The following TUSC3 variants were observed in gnomAD, a reference collection of about 807,000 sequenced individuals.
TUSC3 encodes dolichyl-diphosphooligosaccharide--protein glycosyltransferase subunit TUSC3.
In TUSC3, 45 loss-of-function variants were observed where a neutral mutation model predicts 44.8. That is an observed-to-expected ratio of 1.00 (90% CI 0.79 to 1.29). The LOEUF (loss-of-function observed/expected upper bound fraction) is 1.29. Ranked by LOEUF, TUSC3 falls within the 50% of genes most tolerant of loss-of-function variation. The pLI is 0.00. For missense variants in TUSC3, 519 were observed against 437.9 expected (o/e 1.19, Z -1.65); for synonymous variants, 212 against 152.9 (o/e 1.39, Z -2.85).
intron 2 of TUSC3, among the ~76,000 whole-genome samples, chr8:15,508,241 C>T (rs144761380): frequency 2.2e-3 from 338 of 152,006 alleles, no homozygotes; most frequent in African/African-American, 8.0e-3. Context: ...CTCTGTCTAA[C>T]AACAATGACA....
At chr8:15,806,169 G>C in the TUSC3 span, 1 of 482,566 alleles carries the variant, frequency 2.1e-6, no homozygotes, top group East Asian at 4.8e-5. Context: ...ATCAGTTGAT[G>C]TGGAGTCACT....
intron 1 of TUSC3, among the ~76,000 whole-genome samples, chr8:15,473,298 G>A (rs1800521124): frequency 6.6e-6 from 1 of 152,144 alleles, no homozygotes; most frequent in African/African-American, 2.4e-5. Flanking sequence ...AACCTTGTGT[G>A]TTTACAACAC....
At chr8:15,760,066 C>G (rs183341850) in intron 10 of TUSC3, among the ~76,000 whole-genome samples, 2 of 152,226 alleles carry the variant, frequency 1.3e-5, no homozygotes, top group East Asian at 3.9e-4. Context: ...TCATTATCCC[C>G]CATAATACAT....
rs574601050 is a variant in TUSC3 at position 15,692,751 on chromosome 8, G to C, written c.798+18915G>C. The stretch of plus-strand genomic sequence containing the variant: ...TATTTGGATATTGTCTCTTATTTTA[G>C]TAGTCTAGCTAGTGGTCAATTTACT... On this transcript the variant is annotated intron_variant, in intron 6 of 10. Coordinates refer to ENST00000503731, the MANE Select transcript of TUSC3 (RefSeq NM_006765.4). Among the ~76,000 whole-genome samples, 6 of 151,156 alleles carry C rather than the reference G, an allele frequency of 4.0e-5. No individual in the cohort carries two copies. The South Asian group carries it at 1.0e-3, about 26-fold the overall frequency.
intron 1 of TUSC3, among the ~76,000 whole-genome samples, chr8:15,592,011 G>A (rs150350237): frequency 1.3e-5 from 2 of 152,218 alleles, no homozygotes; most frequent in East Asian, 3.9e-4. Context: ...TAGTAGTCTA[G>A]GTAAGAGATA....
chr8:15,440,399 C>T (rs932470163), intron 1 of TUSC3, among the ~76,000 whole-genome samples: 2 of 152,104 alleles, frequency 1.3e-5, no homozygotes, highest in African/African-American at 4.8e-5. Flanking sequence ...TCTTGAGGAT[C>T]TATGCAGAAT....
intron 1 of TUSC3, among the ~76,000 whole-genome samples, chr8:15,618,554 A>G (rs1805097742): frequency 6.6e-6 from 1 of 152,154 alleles, no homozygotes; most frequent in South Asian, 2.1e-4. Flanking sequence ...AGGTGCAATA[A>G]CAGTTATGGA....
chr8:15,543,815 A>G (rs1393337926), intron 1 of TUSC3, among the ~76,000 whole-genome samples: 2 of 151,028 alleles, frequency 1.3e-5, no homozygotes, highest in African/African-American at 4.9e-5. Context: ...ATTGCTTATC[A>G]TGAAACACCG....
chr8:15,420,075 C>G (rs1400945383), intron 1 of TUSC3, among the ~76,000 whole-genome samples: 1 of 151,874 alleles, frequency 6.6e-6, no homozygotes, highest in East Asian at 1.9e-4. Flanking sequence ...GTAATGATGC[C>G]AAAAACACTA....
At chr8:15,492,655 G>GT (rs1421385707) in intron 2 of TUSC3, among the ~76,000 whole-genome samples, 50 of 152,132 alleles carry the variant, frequency 3.3e-4, no homozygotes, top group Non-Finnish European at 5.6e-4. Flanking sequence ...TCACGTAACA[G>GT]GCTGGGCACA....
chr8:15,686,708 A>T (rs138746006), intron 6 of TUSC3, among the ~76,000 whole-genome samples: 1 of 152,160 alleles, frequency 6.6e-6, no homozygotes, highest in Admixed American at 6.5e-5. Flanking sequence ...GGCATTCAGT[A>T]GCTTTATTAC....
Position 15,650,752 on chromosome 8 carries a change from T to C in TUSC3, c.364T>C (p.Phe122Leu). 1 of 1,614,174 alleles carries C rather than the reference T, an allele frequency of 6.2e-7. No homozygotes were observed. The highest frequency in any genetic ancestry group is 8.5e-7 in the Non-Finnish European group (1 of 1,180,024). Residue 122 changes from phenylalanine (F) to leucine (L), a missense_variant, in exon 3 of 11, where the codon TTT becomes CTT. By Grantham distance (22) the Phe-to-Leu change is conservative. Coordinates refer to ENST00000503731, the MANE Select transcript of TUSC3 (RefSeq NM_006765.4). ...LANSWRYSSAFCNKLFFSMVD... is the reference protein window; with the variant it reads ...LANSWRYSSALCNKLFFSMVD... ...GAACTCCTGGCGCTATTCATCTGCTTTTTGTAACAAGCTCTTCTTCAGTAT... is the reference window on the plus strand; with the variant it reads ...GAACTCCTGGCGCTATTCATCTGCTCTTTGTAACAAGCTCTTCTTCAGTAT...
intron 1 of TUSC3, among the ~76,000 whole-genome samples, chr8:15,430,493 C>G (rs1342732811): frequency 6.6e-6 from 1 of 150,468 alleles, no homozygotes; most frequent in Admixed American, 6.6e-5. Context: ...ATAATAAGAG[C>G]TGTCTATGAC....
intron 1 of TUSC3, among the ~76,000 whole-genome samples, chr8:15,589,238 G>A (rs114352016): frequency 0.021 from 3,141 of 152,124 alleles, 94 homozygotes; most frequent in African/African-American, 0.07. Context: ...GGCAGCATAC[G>A]TCCAGATCTT....
At chr8:15,440,869 C>G (rs1040575171) in intron 1 of TUSC3, among the ~76,000 whole-genome samples, 5 of 152,066 alleles carry the variant, frequency 3.3e-5, no homozygotes, top group African/African-American at 9.7e-5. Context: ...AACTGCCTCC[C>G]CAGATAGAGA....
chr8:15,804,968 A>C, the TUSC3 span, among the ~76,000 whole-genome samples: 2 of 152,048 alleles, frequency 1.3e-5, no homozygotes, highest in Admixed American at 6.6e-5. Flanking sequence ...ATGAGCATGG[A>C]ATTTTTTTAT....
chr8:15,771,625 G>A (rs1812440428), downstream of TUSC3, among the ~76,000 whole-genome samples: 1 of 152,058 alleles, frequency 6.6e-6, no homozygotes, highest in African/African-American at 2.4e-5. Context: ...TAACAAATAT[G>A]TGGAAAATAA....
At chr8:15,704,802 T>C (rs1477206) in intron 6 of TUSC3, among the ~76,000 whole-genome samples, 1 of 152,028 alleles carries the variant, frequency 6.6e-6, no homozygotes, top group East Asian at 1.9e-4. Flanking sequence ...AGTTTTGGAA[T>C]AGGAAGGATC....
At chr8:15,759,489 A>T (rs908115218) in intron 10 of TUSC3, among the ~76,000 whole-genome samples, 1 of 151,956 alleles carries the variant, frequency 6.6e-6, no homozygotes, top group Non-Finnish European at 1.5e-5. Context: ...AGATAAATAA[A>T]AAAAACAAAA....
Sources: allele counts gnomAD v4.1 joint callset (sites outside exome capture counted in the v4.1 genomes callset), GRCh38; gene constraint gnomAD v4.1.1; transcripts MANE v1.5; gene names NCBI Gene and HGNC (gene_info 2026-07-23, HGNC 2026-07-21).